LUZP2: variants seen among roughly 807,000 people sequenced by gnomAD.
LUZP2 encodes leucine zipper protein 2.
Under a neutral mutation model 51.6 loss-of-function variants are expected in LUZP2, and 52 were observed. The ratio of observed to expected loss-of-function variants is 1.01; its 90% CI spans 0.81 to 1.27. The LOEUF is 1.27. LUZP2 is among the 50% of genes most tolerant of loss of function. The probability of loss-of-function intolerance (pLI) is 0.00; values close to 1 mark genes in which losing one functional copy is unlikely to be tolerated. For synonymous variants in LUZP2, 154 were observed against 137.3 expected, an observed-to-expected ratio of 1.12 and a Z score of -0.85; for missense variants, 436 against 395.4, an observed-to-expected ratio of 1.10 and a Z score of -0.87.
intron 9 of LUZP2, among the ~76,000 whole-genome samples, chr11:25,019,611 C>T (rs1857269163): frequency 6.6e-6 from 1 of 152,042 alleles, no homozygotes; most frequent in African/African-American, 2.4e-5. Flanking sequence ...ATTTTTATGT[C>T]CTCCTTTCTT....
intron 4 of LUZP2, among the ~76,000 whole-genome samples, chr11:24,744,543 G>A (rs945335720): frequency 6.6e-6 from 1 of 152,060 alleles, no homozygotes; most frequent in Non-Finnish European, 1.5e-5. Flanking sequence ...TTTCAGTGGT[G>A]TCAGTTGTAA....
chr11:24,971,395 C>A (rs1855731553), intron 7 of LUZP2, among the ~76,000 whole-genome samples: 1 of 152,062 alleles, frequency 6.6e-6, no homozygotes, highest in Non-Finnish European at 1.5e-5. Flanking sequence ...TGCTCACTTG[C>A]CAGCTGTTTA....
chr11:25,003,753 A>G (rs372291428), intron 9 of LUZP2, among the ~76,000 whole-genome samples: 3 of 152,110 alleles, frequency 2.0e-5, no homozygotes, highest in Admixed American at 6.6e-5. Context: ...CAACGCCCAG[A>G]CTTCAGGGTT....
chr11:24,904,730 T>A (rs943531883), intron 5 of LUZP2, among the ~76,000 whole-genome samples: 4 of 152,212 alleles, frequency 2.6e-5, no homozygotes, highest in Non-Finnish European at 4.4e-5. Context: ...TGTATTGTTT[T>A]CTTCTGCTGT....
chr11:24,600,707 G>T (rs1262015168), intron 1 of LUZP2, among the ~76,000 whole-genome samples: 4 of 152,064 alleles, frequency 2.6e-5, no homozygotes, highest in African/African-American at 9.7e-5. Flanking sequence ...TGTCTTAAAG[G>T]CCTAGTGCTT....
intron 10 of LUZP2, among the ~76,000 whole-genome samples, chr11:25,062,658 TTG>T (rs1858878763): frequency 6.8e-6 from 1 of 146,906 alleles, no homozygotes; most frequent in Admixed American, 6.8e-5. Context: ...ACCAATAAAG[TTG>T]TGTGTCTTTC....
intron 5 of LUZP2, among the ~76,000 whole-genome samples, chr11:24,764,489 C>CAAAAAAAAAAAAAAAAAAAAAAAA (rs1565124723): frequency 1.8e-5 from 1 of 56,420 alleles, no homozygotes; most frequent in Non-Finnish European, 3.5e-5. Context: ...AATCTCATCT[C>CAAAAAAAAAAAAAAAAAAAAAAAA]TAAAAAAAAA....
In LUZP2 at chr11:24,710,263, A is replaced by G. The variant is rs78720724; in HGVS notation, c.63-18906A>G. 2.4e-3 allele frequency among the ~76,000 whole-genome samples: 362 copies of G among 152,252 alleles called. 3 individuals carry two copies. In the East Asian group the frequency reaches 0.053, roughly 22 times the overall value. On this transcript the variant is annotated intron_variant, in intron 1 of 11. Transcript: ENST00000336930. The stretch of plus-strand genomic sequence containing the variant: ...AGTTGCCCTCTGTAGAATCTGAGAT[A>G]TCATGTAGGTCTTAGAGCTTTTCCC...
chr11:24,738,987 A>G (rs1328407789), intron 4 of LUZP2, among the ~76,000 whole-genome samples: 2 of 152,064 alleles, frequency 1.3e-5, no homozygotes, highest in African/African-American at 4.8e-5. Context: ...TGTTTTCAAG[A>G]TCTGAGTCTG....
intron 1 of LUZP2, among the ~76,000 whole-genome samples, chr11:24,579,666 A>G (rs1852780666): frequency 6.6e-6 from 1 of 152,114 alleles, no homozygotes; most frequent in Admixed American, 6.5e-5. Context: ...TCTGAAAGTC[A>G]ATTGGTTCAT....
intron 9 of LUZP2, among the ~76,000 whole-genome samples, chr11:25,027,901 T>C (rs1228854237): frequency 2.0e-5 from 3 of 150,948 alleles, no homozygotes; most frequent in African/African-American, 4.9e-5. Context: ...TAGATTTAGA[T>C]ACCATCAATG....
At chr11:24,664,925 A>G (rs898129559) in intron 1 of LUZP2, among the ~76,000 whole-genome samples, 2 of 152,158 alleles carry the variant, frequency 1.3e-5, no homozygotes, top group African/African-American at 4.8e-5. Context: ...CTTCACACAG[A>G]GTCCCCATGG....
chr11:24,556,329 T>C (rs1456853382), intron 1 of LUZP2, among the ~76,000 whole-genome samples: 1 of 152,174 alleles, frequency 6.6e-6, no homozygotes, highest in African/African-American at 2.4e-5. Flanking sequence ...AACAACTTAG[T>C]AAAACTGTGT....
In LUZP2 at chr11:24,597,895, A is replaced by T. The variant is rs186597687; in HGVS notation, c.62+100590A>T. Among the ~76,000 whole-genome samples the T allele has an allele frequency of 5.3e-5, 8 of 152,238 alleles. No individual in the cohort carries two copies. The East Asian group carries it at 9.7e-4, about 18-fold the overall frequency. ...GGCGGGTGGAACACTTGAGGTCAGG[A>T]GTTCAAGACCAGCCTTGTCAACATG... is the stretch of plus-strand genomic sequence containing the variant. On this transcript the variant is annotated intron_variant, in intron 1 of 11. Coordinates refer to ENST00000336930, the MANE Select transcript of LUZP2 (RefSeq NM_001009909.4).
chr11:24,907,222 G>A (rs1853482167), intron 6 of LUZP2, among the ~76,000 whole-genome samples: 1 of 148,308 alleles, frequency 6.7e-6, no homozygotes, highest in Non-Finnish European at 1.5e-5. Context: ...GTGGTCCTGT[G>A]TCCAGCCCAA....
In LUZP2 at chr11:24,834,976, T is replaced by C. The variant is rs4540838; in HGVS notation, c.397-71015T>C. On this transcript the variant is annotated intron_variant, in intron 5 of 11. Coordinates refer to ENST00000336930, the MANE Select transcript of LUZP2 (RefSeq NM_001009909.4). ...TTCTTACAAATTTGTTTAAGTTCCT[T>C]GTAGATTCTGGATATTAGACCCCTG... Among the ~76,000 whole-genome samples the C allele has an allele frequency of 7.2e-5, 11 of 152,270 alleles. No homozygotes were observed. The East Asian group carries it at 2.1e-3, about 29-fold the overall frequency.
At chr11:24,716,941 TGAA>T (rs931904421) in intron 1 of LUZP2, among the ~76,000 whole-genome samples, 5 of 151,894 alleles carry the variant, frequency 3.3e-5, no homozygotes, top group African/African-American at 9.7e-5. Flanking sequence ...CTAGAAAAAA[TGAA>T]GAAGTACATG....
At chr11:24,962,074 C>A (rs1855426206) in intron 7 of LUZP2, among the ~76,000 whole-genome samples, 1 of 151,808 alleles carries the variant, frequency 6.6e-6, no homozygotes, top group South Asian at 2.1e-4. Flanking sequence ...TGAATATTGG[C>A]CCCCACTCTC....
chr11:24,505,319 G>A (rs1850115066), intron 1 of LUZP2, among the ~76,000 whole-genome samples: 1 of 152,140 alleles, frequency 6.6e-6, no homozygotes. Flanking sequence ...GACAAGAGGT[G>A]TTTGTCGTGT....
Sources: gnomAD v4.1 joint callset for allele counts (sites outside exome capture counted in the v4.1 genomes callset) on GRCh38, gnomAD v4.1.1 for gene constraint, MANE v1.5 for transcripts, NCBI Gene and HGNC (gene_info 2026-07-23, HGNC 2026-07-21) for gene names.